Variants in PTPRG observed in about 807,000 individuals in gnomAD.
The protein encoded by PTPRG is receptor-type tyrosine-protein phosphatase gamma.
PTPRG carries 102 observed loss-of-function variants against 165.3 expected under a neutral mutation model. That is an observed-to-expected ratio of 0.62 (90% CI 0.53 to 0.73). The LOEUF (loss-of-function observed/expected upper bound fraction) is 0.73. Ranked by LOEUF, PTPRG falls within the 30% of genes least tolerant of loss-of-function variation. The pLI is 0.00. For missense variants in PTPRG, 1,866 were observed against 1,861.4 expected (o/e 1.00, Z -0.05); for synonymous variants, 675 against 669.5 (o/e 1.01, Z -0.13).
intron 2 of PTPRG, among the ~76,000 whole-genome samples, chr3:61,786,155 A>G (rs1197620037): frequency 6.6e-6 from 1 of 152,112 alleles, no homozygotes; most frequent in Non-Finnish European, 1.5e-5. Context: ...TTTCCCCCAT[A>G]ATCTTTGGAG....
At chr3:61,934,791 A>C (rs1339680818) in intron 2 of PTPRG, among the ~76,000 whole-genome samples, 1 of 152,148 alleles carries the variant, frequency 6.6e-6, no homozygotes, top group Non-Finnish European at 1.5e-5. Flanking sequence ...GCAGCCACTG[A>C]CCTGGGGGTT....
chr3:61,590,396 C>T (rs1700540045), intron 1 of PTPRG, among the ~76,000 whole-genome samples: 1 of 152,034 alleles, frequency 6.6e-6, no homozygotes, highest in Non-Finnish European at 1.5e-5. Context: ...TAGTGGCACG[C>T]ACCTGTAACC....
intron 2 of PTPRG, among the ~76,000 whole-genome samples, chr3:61,811,834 G>C (rs968616846): frequency 2.0e-5 from 3 of 152,124 alleles, no homozygotes; most frequent in Non-Finnish European, 4.4e-5. Flanking sequence ...TACCTTGCCT[G>C]TTATTACAGC....
At chr3:61,679,668 C>T (rs1242370012) in intron 1 of PTPRG, among the ~76,000 whole-genome samples, 1 of 152,072 alleles carries the variant, frequency 6.6e-6, no homozygotes, top group East Asian at 1.9e-4. Flanking sequence ...GTAATCCCAG[C>T]TACTCAGGAA....
chr3:61,957,398 A>G (rs552030530), intron 2 of PTPRG, among the ~76,000 whole-genome samples: 1 of 152,312 alleles, frequency 6.6e-6, no homozygotes, highest in South Asian at 2.1e-4. Context: ...TTTCTTTCTC[A>G]CTTGCCATCT....
At chr3:61,727,070 C>G (rs1399126438) in intron 1 of PTPRG, among the ~76,000 whole-genome samples, 1 of 150,898 alleles carries the variant, frequency 6.6e-6, no homozygotes, top group East Asian at 2.0e-4. Flanking sequence ...AAAGATTGAG[C>G]TATTGAATTT....
At chr3:61,683,842 G>A (rs1056206843) in intron 1 of PTPRG, among the ~76,000 whole-genome samples, 1 of 152,172 alleles carries the variant, frequency 6.6e-6, no homozygotes, top group Admixed American at 6.5e-5. Flanking sequence ...AGTTATGAAG[G>A]AGACCTCCCA....
At chr3:62,199,266 C>T (rs1381562060) in intron 10 of PTPRG, among the ~76,000 whole-genome samples, 1 of 151,794 alleles carries the variant, frequency 6.6e-6, no homozygotes, top group African/African-American at 2.4e-5. Context: ...TCTTTGCTAC[C>T]TTATTTGACC....
At chr3:61,805,652 C>T (rs893148515) in intron 2 of PTPRG, among the ~76,000 whole-genome samples, 2 of 151,916 alleles carry the variant, frequency 1.3e-5, no homozygotes, top group African/African-American at 2.4e-5. Context: ...GTCATGGAGT[C>T]TAAGTTAAAG....
intron 3 of PTPRG, among the ~76,000 whole-genome samples, chr3:61,996,906 C>A (rs2041052738): frequency 6.6e-6 from 1 of 152,112 alleles, no homozygotes; most frequent in Non-Finnish European, 1.5e-5. Context: ...AGCCTCAGTC[C>A]CCAAGTTCAG....
intron 2 of PTPRG, among the ~76,000 whole-genome samples, chr3:61,841,583 C>T (rs2036634328): frequency 6.6e-6 from 1 of 151,918 alleles, no homozygotes; most frequent in South Asian, 2.1e-4. Flanking sequence ...TCGTCCACCA[C>T]CACCCCCACC....
chr3:62,017,917 A>T (rs2041592148), intron 4 of PTPRG, among the ~76,000 whole-genome samples: 1 of 152,154 alleles, frequency 6.6e-6, no homozygotes, highest in Non-Finnish European at 1.5e-5. Flanking sequence ...GATTGAGATT[A>T]TCAGTTTCAT....
rs1477930902 is a variant in PTPRG at position 62,277,001 on chromosome 3, T to C, written c.3589T>C (p.Leu1197=). 5.0e-6 allele frequency: 8 copies of C among 1,613,076 alleles called. No homozygotes were observed. Among genetic ancestry groups the C allele is most frequent in the African/African-American group, 4.0e-5 (3 of 74,868 alleles). Residue 1197 remains leucine (L), a synonymous_variant, in exon 25 of 30, where the codon TTG becomes CTG. Transcript: ENST00000474889. ...SERARVGLAP[L]PGMKGTDYIN... ...GCGTGCTCGAGTGGGTCTTGCACCATTGCCTGGAATGAAAGGAACAGATTA... is the reference window on the plus strand; with the variant it reads ...GCGTGCTCGAGTGGGTCTTGCACCACTGCCTGGAATGAAAGGAACAGATTA...
intron 2 of PTPRG, among the ~76,000 whole-genome samples, chr3:61,970,402 A>G (rs9875705): frequency 0.021 from 3,247 of 152,320 alleles, 62 homozygotes; most frequent in South Asian, 0.088. Flanking sequence ...AGGGCTGAAG[A>G]AAACACAGTT....
chr3:62,243,961 T>C (rs1576172994), intron 15 of PTPRG, 63 bp downstream of exon 15: 4 of 1,059,642 alleles, frequency 3.8e-6, no homozygotes, highest in Non-Finnish European at 4.2e-6. Flanking sequence ...TTCTCAGTTT[T>C]ATGTGATAAA....
At chr3:61,780,408 G>T (rs1522550) in intron 2 of PTPRG, among the ~76,000 whole-genome samples, 9 of 152,258 alleles carry the variant, frequency 5.9e-5, no homozygotes, top group African/African-American at 2.2e-4. Flanking sequence ...TAAATCACAG[G>T]AAAACTGGAT....
intron 1 of PTPRG, among the ~76,000 whole-genome samples, chr3:61,744,716 C>T (rs1159434019): frequency 6.6e-6 from 1 of 152,146 alleles, no homozygotes; most frequent in African/African-American, 2.4e-5. Context: ...ATATAGTCAC[C>T]TTTAATGAGT....
At position 62,281,678 on chromosome 3, in the gene PTPRG, T is replaced by G; in HGVS notation, c.3881T>G (p.Ile1294Ser). The change falls in exon 27 of 30, where the codon ATC (isoleucine) becomes AGC (serine). Residue 1294 changes from isoleucine (I) to serine (S), a missense_variant. Coordinates refer to ENST00000474889, the MANE Select transcript of PTPRG (RefSeq NM_002841.4). ...RLCLSNEEQI[I>S]IHDFILEATQ... ...TGCCTCTCTAATGAAGAACAAATTA[T>G]CATCCATGACTTTATCCTTGAAGCT... 6.2e-7 allele frequency: 1 copy of G among 1,611,814 alleles called. No homozygotes were observed. Among genetic ancestry groups the G allele is most frequent in the Non-Finnish European group, 8.5e-7 (1 of 1,178,746 alleles).
At chr3:61,730,689 T>C (rs1005615355) in intron 1 of PTPRG, among the ~76,000 whole-genome samples, 1 of 152,136 alleles carries the variant, frequency 6.6e-6, no homozygotes, top group African/African-American at 2.4e-5. Context: ...TTTAGAGAGG[T>C]AGGCATGAAG....
Sources: allele counts gnomAD v4.1 joint callset (sites outside exome capture counted in the v4.1 genomes callset), GRCh38; gene constraint gnomAD v4.1.1; transcripts MANE v1.5; gene names NCBI Gene and HGNC (gene_info 2026-07-23, HGNC 2026-07-21).